EYS: variants seen among roughly 807,000 people sequenced by gnomAD.
EYS encodes the protein protein eyes shut homolog.
Under a neutral mutation model 282.1 loss-of-function variants are expected in EYS, and 250 were observed. That is an observed-to-expected ratio of 0.89 (90% CI 0.80 to 0.98). The LOEUF (loss-of-function observed/expected upper bound fraction) is 0.98, where lower values mean the gene tolerates loss of function less well. Ranked by LOEUF, EYS falls within the 50% of genes least tolerant of loss-of-function variation. The pLI is 0.00. For synonymous variants in EYS, 1,355 were observed against 1,282.9 expected (o/e 1.06, Z -1.20); for missense variants, 4,016 against 3,709.0 (o/e 1.08, Z -2.15).
chr6:65,413,799 T>G (rs1422734892), intron 5 of EYS, among the ~76,000 whole-genome samples: 5 of 151,702 alleles, frequency 3.3e-5, no homozygotes, highest in Admixed American at 3.3e-4. Flanking sequence ...GAGCTTGCAG[T>G]GAGCCGAGAT....
At chr6:64,722,223 G>A (rs907973130) in intron 22 of EYS, among the ~76,000 whole-genome samples, 1 of 152,192 alleles carries the variant, frequency 6.6e-6, no homozygotes, top group African/African-American at 2.4e-5. Context: ...CAGTGTGACA[G>A]ATGGTGAGAC....
intron 2 of EYS, among the ~76,000 whole-genome samples, chr6:65,497,827 G>T (rs558940229): frequency 6.6e-6 from 1 of 152,098 alleles, no homozygotes; most frequent in South Asian, 2.1e-4. Flanking sequence ...AACATGTTGT[G>T]TCGTTTTGCT....
chr6:64,085,880 G>A (rs866478815), intron 31 of EYS, among the ~76,000 whole-genome samples: 23 of 152,068 alleles, frequency 1.5e-4, no homozygotes, highest in Admixed American at 6.5e-4. Context: ...TTTTTCAAAG[G>A]TTATTAAGGC....
intron 12 of EYS, among the ~76,000 whole-genome samples, chr6:65,147,818 T>C (rs1261793834): frequency 6.6e-6 from 1 of 152,018 alleles, no homozygotes; most frequent in Non-Finnish European, 1.5e-5. Context: ...TGGGGATGCC[T>C]CAGGAATCTT....
At chr6:64,093,433 G>C (rs1337198476) in intron 31 of EYS, among the ~76,000 whole-genome samples, 1 of 152,068 alleles carries the variant, frequency 6.6e-6, no homozygotes, top group African/African-American at 2.4e-5. Flanking sequence ...ATTTCATTGA[G>C]CAGTGGTTTG....
At chr6:63,738,649 A>C (rs1239390671) in intron 41 of EYS, among the ~76,000 whole-genome samples, 1 of 151,136 alleles carries the variant, frequency 6.6e-6, no homozygotes, top group Middle Eastern at 3.2e-3. Flanking sequence ...ATGACGAGTT[A>C]ATGGGTGCAG....
At chr6:65,194,280 A>G (rs1450899293) in intron 12 of EYS, among the ~76,000 whole-genome samples, 1 of 151,948 alleles carries the variant, frequency 6.6e-6, no homozygotes, top group African/African-American at 2.4e-5. Context: ...TTGCTAGTGT[A>G]TTCCATTACT....
At chr6:64,846,501 T>C (rs1393042262) in intron 19 of EYS, among the ~76,000 whole-genome samples, 2 of 152,248 alleles carry the variant, frequency 1.3e-5, no homozygotes, top group African/African-American at 4.8e-5. Flanking sequence ...ATCTAAATTA[T>C]CTCAAGTATA....
intron 41 of EYS, among the ~76,000 whole-genome samples, chr6:63,753,668 C>T (rs1769403506): frequency 6.6e-6 from 1 of 152,132 alleles, no homozygotes; most frequent in Admixed American, 6.5e-5. Flanking sequence ...CCCTCCCTCC[C>T]TCTAGATGTT....
intron 12 of EYS, among the ~76,000 whole-genome samples, chr6:65,216,033 A>G (rs1028223111): frequency 7.6e-5 from 10 of 131,668 alleles, no homozygotes; most frequent in East Asian, 2.0e-4. Context: ...TGTAATTTCA[A>G]TGTAAGTCTT....
In EYS at chr6:65,487,028, T is replaced by C. The variant is rs1403187625; in HGVS notation, c.862+3566A>G. 2.0e-5 allele frequency among the ~76,000 whole-genome samples: 3 copies of C among 152,194 alleles called. No individual in the cohort carries two copies. The East Asian group carries it at 5.8e-4, about 29-fold the overall frequency. ...GTGATTTTTCAACAATGATTTTGTA[T>C]CCTGAGACTTTGCTGAAGTTCCTTA... is the stretch of plus-strand genomic sequence containing the variant. On this transcript the variant is annotated intron_variant, in intron 5 of 42. Coordinates refer to ENST00000503581, the MANE Select transcript of EYS (RefSeq NM_001142800.2).
In EYS at chr6:65,299,671, T is replaced by A. The variant is rs185256433; in HGVS notation, c.1767-3552A>T. On this transcript the variant is annotated intron_variant, in intron 11 of 42. Coordinates refer to ENST00000503581, the MANE Select transcript of EYS (RefSeq NM_001142800.2). ...GAATAACTATAGTGTCTTCTGAGGG[T>A]CAAATATTACAGTGCGTTTCCATTT... Among the ~76,000 whole-genome samples the A allele has an allele frequency of 1.6e-4, 25 of 152,302 alleles. No homozygotes were observed. The East Asian group carries it at 4.8e-3, about 29-fold the overall frequency.
At chr6:65,397,627 TGTG>T (rs1766337190) in intron 7 of EYS, among the ~76,000 whole-genome samples, 1 of 129,508 alleles carries the variant, frequency 7.7e-6, no homozygotes, top group Non-Finnish European at 1.7e-5. Flanking sequence ...TGTGTGTGTG[TGTG>T]TATCATGTTT....
chr6:65,024,736 C>A (rs1467741390), intron 13 of EYS, among the ~76,000 whole-genome samples: 1 of 152,062 alleles, frequency 6.6e-6, no homozygotes, highest in African/African-American at 2.4e-5. Flanking sequence ...GCAATATATT[C>A]ATGTAGCTTT....
At chr6:63,956,515 G>A (rs184572566) in intron 35 of EYS, among the ~76,000 whole-genome samples, 1 of 152,254 alleles carries the variant, frequency 6.6e-6, no homozygotes, top group Non-Finnish European at 1.5e-5. Context: ...ACATGGACGT[G>A]CATGACACTG....
intron 12 of EYS, among the ~76,000 whole-genome samples, chr6:65,199,354 T>A (rs1765845369): frequency 6.6e-6 from 1 of 152,136 alleles, no homozygotes; most frequent in Non-Finnish European, 1.5e-5. Context: ...CAATGACCTG[T>A]CAGAAGTTTA....
At chr6:64,470,022 G>A (rs9351268) in intron 26 of EYS, among the ~76,000 whole-genome samples, 39,208 of 152,078 alleles carry the variant, frequency 0.26, 5,560 homozygotes, top group East Asian at 0.35. Flanking sequence ...CCTATCCAAT[G>A]GACACGTGAC....
intron 29 of EYS, among the ~76,000 whole-genome samples, chr6:64,317,589 C>T (rs995883531): frequency 1.3e-5 from 2 of 151,924 alleles, no homozygotes; most frequent in Admixed American, 6.6e-5. Flanking sequence ...TGGGAGTGTA[C>T]ATTAGTTCAA....
chr6:65,611,973 G>A (rs1176244243), intron 2 of EYS, among the ~76,000 whole-genome samples: 2 of 151,790 alleles, frequency 1.3e-5, no homozygotes, highest in Non-Finnish European at 2.9e-5. Flanking sequence ...AATTTATCTA[G>A]TAATATAGAA....
Sources: gnomAD v4.1 joint callset for allele counts (sites outside exome capture counted in the v4.1 genomes callset) on GRCh38, gnomAD v4.1.1 for gene constraint, MANE v1.5 for transcripts, NCBI Gene and HGNC (gene_info 2026-07-23, HGNC 2026-07-21) for gene names.